The following RBFOX1 variants were observed in gnomAD, a reference collection of about 807,000 sequenced individuals.
The protein encoded by RBFOX1 is RNA binding protein fox-1 homolog 1.
Under a neutral mutation model 57.7 loss-of-function variants are expected in RBFOX1, and 8 were observed. The ratio of observed to expected loss-of-function variants is 0.14; its 90% CI spans 0.08 to 0.25. RBFOX1 has a LOEUF of 0.25. Among genes scored for constraint, RBFOX1 ranks in the 10% least tolerant of loss-of-function variants. RBFOX1 has a pLI of 1.00. For missense variants in RBFOX1, 611 were observed against 548.5 expected (o/e 1.11, Z -1.14); for synonymous variants, 326 against 222.4 (o/e 1.47, Z -4.15).
chr16:5,963,241 G>A (rs2059784867), intron 4 of RBFOX1, among the ~76,000 whole-genome samples: 2 of 152,166 alleles, frequency 1.3e-5, no homozygotes, highest in African/African-American at 4.8e-5. Context: ...AACCAGCAAA[G>A]GTTTGGTTCT....
chr16:6,020,327 G>C (rs1205046912), intron 1 of RBFOX1, among the ~76,000 whole-genome samples: 1 of 152,094 alleles, frequency 6.6e-6, no homozygotes, highest in Non-Finnish European at 1.5e-5. Context: ...GAGCCTGCCT[G>C]CGCACTTTGA....
At position 6,325,834 on chromosome 16, in the gene RBFOX1, A is replaced by G. The variant is rs146852573; in HGVS notation, c.-64+8777A>G. Reference sequence around the variant, plus strand: ...GAATGGTTTTATTTTCCTAAAATATATGCCTAGTTTCTTTTGAATTCAGGT... The same window carrying G: ...GAATGGTTTTATTTTCCTAAAATATGTGCCTAGTTTCTTTTGAATTCAGGT... On this transcript the variant is annotated intron_variant, in intron 2 of 15. Coordinates refer to ENST00000550418, the MANE Select transcript of RBFOX1 (RefSeq NM_018723.4). 7.8e-3 allele frequency among the ~76,000 whole-genome samples: 1,186 copies of G among 152,346 alleles called. 12 individuals are homozygous for G. The highest frequency in any genetic ancestry group is 0.013 in the Non-Finnish European group (866 of 68,036).
intron 2 of RBFOX1, among the ~76,000 whole-genome samples, chr16:6,421,124 G>C (rs2093759982): frequency 6.6e-6 from 1 of 152,194 alleles, no homozygotes; most frequent in Non-Finnish European, 1.5e-5. Context: ...GGAGATAAAT[G>C]AACCGTGGTG....
chr16:6,967,493 C>T (rs753165120), intron 3 of RBFOX1, among the ~76,000 whole-genome samples: 1 of 152,100 alleles, frequency 6.6e-6, no homozygotes, highest in Non-Finnish European at 1.5e-5. Context: ...AGTGGATAGA[C>T]GTTATTTCAG....
intron 2 of RBFOX1, among the ~76,000 whole-genome samples, chr16:6,520,416 C>A (rs1044705577): frequency 3.3e-5 from 5 of 152,050 alleles, no homozygotes; most frequent in Non-Finnish European, 7.4e-5. Context: ...ACTATAAAAT[C>A]CTAATTTTTA....
chr16:7,371,824 G>A (rs1276898488), intron 4 of RBFOX1, among the ~76,000 whole-genome samples: 1 of 152,132 alleles, frequency 6.6e-6, no homozygotes, highest in East Asian at 1.9e-4. Context: ...TTCACATACT[G>A]ACAAAAAAAG....
chr16:6,178,796 A>C (rs770298919), intron 1 of RBFOX1, among the ~76,000 whole-genome samples: 1 of 152,160 alleles, frequency 6.6e-6, no homozygotes, highest in Non-Finnish European at 1.5e-5. Context: ...AACTCACTTT[A>C]ATTGATCTTT....
At chr16:6,519,764 G>T (rs556362313) in intron 2 of RBFOX1, among the ~76,000 whole-genome samples, 1 of 152,048 alleles carries the variant, frequency 6.6e-6, no homozygotes, top group African/African-American at 2.4e-5. Context: ...TTGTATGCCC[G>T]GTTCTGTATT....
chr16:6,315,448 G>A (rs552919417), intron 1 of RBFOX1, among the ~76,000 whole-genome samples: 1 of 151,178 alleles, frequency 6.6e-6, no homozygotes, highest in Admixed American at 6.6e-5. Flanking sequence ...TGGATGGATG[G>A]GTGAATCGGT....
chr16:6,961,757 T>G (rs912932431), intron 3 of RBFOX1, among the ~76,000 whole-genome samples: 4 of 152,202 alleles, frequency 2.6e-5, no homozygotes, highest in African/African-American at 9.6e-5. Context: ...ACGGCGTTTT[T>G]AAATTGTCAT....
chr16:5,954,739 G>A (rs188801383), intron 4 of RBFOX1, among the ~76,000 whole-genome samples: 1 of 152,212 alleles, frequency 6.6e-6, no homozygotes, highest in Admixed American at 6.5e-5. Flanking sequence ...CTGCCACCCG[G>A]CACTTGGCCA....
Position 7,133,802 on chromosome 16 carries a change from A to T in RBFOX1, c.27+81704A>T, listed in dbSNP as rs901805831. 4.1e-4 allele frequency among the ~76,000 whole-genome samples: 63 copies of T among 152,214 alleles called. 2 individuals carry two copies. Among genetic ancestry groups the T allele is most frequent in the African/African-American group, 2.4e-5 (1 of 41,456 alleles). On this transcript the variant is annotated intron_variant, in intron 4 of 15. Coordinates refer to ENST00000550418, the MANE Select transcript of RBFOX1 (RefSeq NM_018723.4). ...CCATGAAAAAAAAAGAATGACTGAC[A>T]CAGCTTCTTTGCTGTCAGCCCTTTT...
intron 3 of RBFOX1, among the ~76,000 whole-genome samples, chr16:5,636,925 C>A (rs771369111): frequency 6.6e-6 from 1 of 152,204 alleles, no homozygotes; most frequent in Non-Finnish European, 1.5e-5. Context: ...AGGCCTGAGC[C>A]TGCTGGCCTT....
intron 3 of RBFOX1, among the ~76,000 whole-genome samples, chr16:5,814,156 G>A (rs1346975837): frequency 6.6e-6 from 1 of 152,094 alleles, no homozygotes; most frequent in Admixed American, 6.5e-5. Context: ...CAGAGAAGGT[G>A]TCTCTTGAGG....
At chr16:5,460,679 C>G (rs1420244614) in intron 1 of RBFOX1, among the ~76,000 whole-genome samples, 1 of 152,206 alleles carries the variant, frequency 6.6e-6, no homozygotes, top group East Asian at 1.9e-4. Context: ...CTGCAGCTTC[C>G]TTTAGATATC....
intron 3 of RBFOX1, among the ~76,000 whole-genome samples, chr16:6,843,790 C>A (rs1452170253): frequency 6.6e-6 from 1 of 152,086 alleles, no homozygotes; most frequent in Non-Finnish European, 1.5e-5. Context: ...TATTCTGTTC[C>A]ATGCCAAAAG....
intron 3 of RBFOX1, among the ~76,000 whole-genome samples, chr16:5,624,051 G>A (rs1023437585): frequency 1.3e-5 from 2 of 152,222 alleles, no homozygotes; most frequent in African/African-American, 4.8e-5. Context: ...GGCAGATGGT[G>A]TCCACCCCAT....
At chr16:5,970,142 T>A (rs2059934078) in intron 4 of RBFOX1, among the ~76,000 whole-genome samples, 1 of 152,162 alleles carries the variant, frequency 6.6e-6, no homozygotes. Context: ...CTGCTTCCTG[T>A]CACATAGAGG....
chr16:5,906,703 C>T (rs1343871587), intron 4 of RBFOX1, among the ~76,000 whole-genome samples: 4 of 147,410 alleles, frequency 2.7e-5, no homozygotes, highest in Non-Finnish European at 4.5e-5. Flanking sequence ...TCCCAGCAGC[C>T]GCTGAAGCCA....
Sources: gnomAD v4.1 joint callset for allele counts (sites outside exome capture counted in the v4.1 genomes callset) on GRCh38, gnomAD v4.1.1 for gene constraint, MANE v1.5 for transcripts, NCBI Gene and HGNC (gene_info 2026-07-23, HGNC 2026-07-21) for gene names.